ERVH48-1: variants seen among roughly 807,000 people sequenced by gnomAD.
ERVH48-1 encodes suppressyn.
ERVH48-1 carries 4 observed loss-of-function variants against 2.4 expected under a neutral mutation model. The observed-to-expected ratio is 1.68, with a 90% CI of 0.83 to 3.84. ERVH48-1 has a LOEUF of 3.84. ERVH48-1 is among the 30% of genes most tolerant of loss of function. The pLI, the probability that ERVH48-1 is intolerant of heterozygous loss-of-function variation, is 0.01. For synonymous variants in ERVH48-1, 32 were observed against 15.5 expected (o/e 2.06, Z -2.49); for missense variants, 97 against 43.4 (o/e 2.23, Z -3.47).
At chr21:42,924,078 G>A (rs1200527933) in intron 1 of ERVH48-1, among the ~76,000 whole-genome samples, 1 of 152,200 alleles carries the variant, frequency 6.6e-6, no homozygotes, top group Non-Finnish European at 1.5e-5. Flanking sequence ...GAGTATAGGC[G>A]GGAAAGAAAG....
rs968330884 is a variant in ERVH48-1 at position 42,917,145 on chromosome 21, A to G, written c.*1379T>C. 6.6e-6 allele frequency: 1 copy of G among 152,190 alleles called. No homozygotes were observed. Among genetic ancestry groups the G allele is most frequent in the Non-Finnish European group, 1.5e-5 (1 of 68,034 alleles). The allele number at this position is 152,190 out of a possible 1,614,324, so 9.4% of individuals were successfully genotyped here. On this transcript the variant is annotated 3_prime_UTR_variant, in exon 2 of 2. Transcript: ENST00000447535. ...TCTATTTGGTTATAGAAAAGGGGAA[A>G]GGGACGACTTTCTCAATAACTACTT...
chr21:42,918,776 C>T lies in ERVH48-1; in HGVS notation c.231G>A (p.Glu77=). ...AACTCTTTCCTGATTCAACACATTC[C>T]TCGATTAAGTTTCCATAACAGGATC... ...IERSCYGNLI[E]ECVESGKSYY... The change falls in exon 2 of 2, where the codon GAG becomes GAA. Residue 77 remains glutamate (E), a synonymous_variant. Coordinates refer to ENST00000447535, the MANE Select transcript of ERVH48-1 (RefSeq NM_001308491.2). 1 of 456,684 alleles carries T rather than the reference C, an allele frequency of 2.2e-6. No homozygotes were observed. Among genetic ancestry groups the T allele is most frequent in the South Asian group, 1.5e-5 (1 of 64,568 alleles). 28.3% of individuals were successfully genotyped at this position (456,684 alleles called of 1,614,324 possible).
intron 1 of ERVH48-1, among the ~76,000 whole-genome samples, chr21:42,922,739 CAAAAAAAAAAAAA>C (rs35066156): frequency 1.2e-4 from 6 of 48,204 alleles, no homozygotes; most frequent in South Asian, 7.8e-4. Flanking sequence ...GACTCCGTCT[CAAAAAAAAAAAAA>C]AAAAAAAAAA....
At chr21:42,922,969 G>A (rs2058810932) in intron 1 of ERVH48-1, among the ~76,000 whole-genome samples, 1 of 152,188 alleles carries the variant, frequency 6.6e-6, no homozygotes, top group East Asian at 1.9e-4. Context: ...GTTACCCTTG[G>A]CTCAGATGAG....
Position 42,925,445 on chromosome 21 carries a change from AG to A in ERVH48-1, c.-386del. On this transcript the variant is annotated 5_prime_UTR_variant, in exon 1 of 2. Transcript: ENST00000447535. ...TGCTGTGGCCTGCTTTCCCAGATGGAGGGGTGGTAGGTCCACTGGGGACGTG... is the reference window on the plus strand; with the variant it reads ...TGCTGTGGCCTGCTTTCCCAGATGGAGGGTGGTAGGTCCACTGGGGACGTG... 2.1e-6 allele frequency: 1 copy of A among 470,582 alleles called. No homozygotes were observed. The allele number at this position is 470,582 out of a possible 1,614,324, so 29.2% of individuals were successfully genotyped here.
chr21:42,918,922 T>G lies in ERVH48-1; in HGVS notation c.85A>C (p.Ile29Leu). The G allele has an allele frequency of 1.8e-6, 1 of 552,804 alleles. No individual in the cohort carries two copies. The highest frequency in any genetic ancestry group is 3.2e-6 in the Non-Finnish European group (1 of 315,142). 34.2% of individuals were successfully genotyped at this position (552,804 alleles called of 1,614,324 possible). A position where few individuals can be genotyped will look rare whatever the true frequency, so the allele number is the denominator to read the frequency against. Residue 29 changes from isoleucine to leucine, a missense_variant, in exon 2 of 2, where the codon ATA becomes CTA. Ile to Leu is a conservative substitution (Grantham distance 5). Coordinates refer to ENST00000447535, the MANE Select transcript of ERVH48-1 (RefSeq NM_001308491.2). ...NMGISLTTIL[I>L]LSVAVLLSTA... ...GACAGCAGGACAGCTACTGACAGTA[T>G]TAGGATCGTGGTGAGGGATATTCCC... is the stretch of plus-strand genomic sequence containing the variant.
At chr21:42,921,977 G>A (rs772852328) in intron 1 of ERVH48-1, among the ~76,000 whole-genome samples, 3 of 152,196 alleles carry the variant, frequency 2.0e-5, no homozygotes, top group African/African-American at 4.8e-5. Flanking sequence ...TGGGAGTACA[G>A]TTTGGTTAAT....
At chr21:42,919,711 C>T (rs183911964) in intron 1 of ERVH48-1, among the ~76,000 whole-genome samples, 199 of 152,200 alleles carry the variant, frequency 1.3e-3, no homozygotes, top group Non-Finnish European at 2.4e-3. Context: ...AAGGCAGGCC[C>T]GTTATCGGAC....
chr21:42,920,682 T>C (rs145784284), intron 1 of ERVH48-1, among the ~76,000 whole-genome samples: 1 of 152,110 alleles, frequency 6.6e-6, no homozygotes, highest in South Asian at 2.1e-4. Context: ...ATAGCCAGCA[T>C]GTTGGCATCC....
Position 42,925,326 on chromosome 21 carries a change from C to T in ERVH48-1, c.-286+20G>A, listed in dbSNP as rs372998947. The T allele has an allele frequency of 2.1e-4, 85 of 410,190 alleles. 1 individual carries two copies. The highest frequency in any genetic ancestry group is 1.4e-3 in the South Asian group (63 of 44,070). The allele number at this position is 410,190 out of a possible 1,614,324, so 25.4% of individuals were successfully genotyped here. On this transcript the variant is annotated intron_variant, in intron 1 of 1. Coordinates refer to ENST00000447535, the MANE Select transcript of ERVH48-1 (RefSeq NM_001308491.2). The stretch of plus-strand genomic sequence containing the variant: ...GCCGTGCGGATTTTTCCCTGTTAAC[C>T]GGGCTCCCAGGAAACTTACCAGTAG...
chr21:42,919,163 G>T lies in ERVH48-1; in HGVS notation c.-157C>A. 1 of 916,592 alleles carries T rather than the reference G, an allele frequency of 1.1e-6. No individual in the cohort carries two copies. Among genetic ancestry groups the T allele is most frequent in the Non-Finnish European group, 1.4e-6 (1 of 694,172 alleles). 56.8% of individuals were successfully genotyped at this position (916,592 alleles called of 1,614,324 possible). A position where few individuals can be genotyped will look rare whatever the true frequency, so the allele number is the denominator to read the frequency against. On this transcript the variant is annotated 5_prime_UTR_variant, in exon 2 of 2. Transcript: ENST00000447535. ...TTGGGGGTGAGCTTGACCCTGGTGC[G>T]ATGGATCCAGTTGGGGAGTCCTCGG...
At position 42,925,504 on chromosome 21, in the gene ERVH48-1, C is replaced by T. The variant is rs2058818224; in HGVS notation, c.-444G>A. The T allele has an allele frequency of 1.2e-5, 4 of 327,968 alleles. No homozygotes were observed. The highest frequency in any genetic ancestry group is 1.2e-4 in the South Asian group (4 of 33,894). The allele number at this position is 327,968 out of a possible 1,614,324, so 20.3% of individuals were successfully genotyped here. A position where few individuals can be genotyped will look rare whatever the true frequency, so the allele number is the denominator to read the frequency against. On this transcript the variant is annotated 5_prime_UTR_variant, in exon 1 of 2. Coordinates refer to ENST00000447535, the MANE Select transcript of ERVH48-1 (RefSeq NM_001308491.2). ...GCCCCTCGCAGGTTTCAGGGCCAGC[C>T]CCAAGGCTCTTGCATTGGTTGGAAC...
rs148425084 is a variant in ERVH48-1 at position 42,920,077 on chromosome 21, G to A, written c.-285-786C>T. Among the ~76,000 whole-genome samples, 463 of 140,204 alleles carry A rather than the reference G, an allele frequency of 3.3e-3. 2 individuals carry two copies. Among genetic ancestry groups the A allele is most frequent in the African/African-American group, 0.012 (411 of 35,114 alleles). 92.0% of individuals were successfully genotyped at this position (140,204 alleles called of 152,430 possible). The stretch of plus-strand genomic sequence containing the variant: ...GACGTTGCAGGACAGGTTTGTACCC[G>A]ACGAGGACAAATGAGGATAGGGCAG... On this transcript the variant is annotated intron_variant, in intron 1 of 1. Coordinates refer to ENST00000447535, the MANE Select transcript of ERVH48-1 (RefSeq NM_001308491.2).
At position 42,918,384 on chromosome 21, in the gene ERVH48-1, T is replaced by C. The variant is rs2034838184; in HGVS notation, c.*140A>G. ...TGGGATGCCTGTAAGTAAGGGGGAA[T>C]GTCTATCCCGTCCCACAGCCACTGT... On this transcript the variant is annotated 3_prime_UTR_variant, in exon 2 of 2. Coordinates refer to ENST00000447535, the MANE Select transcript of ERVH48-1 (RefSeq NM_001308491.2). 1 of 363,550 alleles carries C rather than the reference T, an allele frequency of 2.8e-6. No individual in the cohort carries two copies. Among genetic ancestry groups the C allele is most frequent in the South Asian group, 2.1e-5 (1 of 47,566 alleles). 22.5% of individuals were successfully genotyped at this position (363,550 alleles called of 1,614,324 possible).
chr21:42,925,555 C>T lies in ERVH48-1; in HGVS notation c.-495G>A, dbSNP rs1467351212. On this transcript the variant is annotated 5_prime_UTR_variant, in exon 1 of 2. The change creates a new upstream start codon in the 5' untranslated region. Transcript: ENST00000447535. Reference sequence around the variant, plus strand: ...CCGGAGAGCGCGCCAACAGACAACACGAGGCGGTGTGGAGCAACACACTGT... The same window carrying T: ...CCGGAGAGCGCGCCAACAGACAACATGAGGCGGTGTGGAGCAACACACTGT... The T allele has an allele frequency of 1.2e-5, 3 of 256,770 alleles. No homozygotes were observed. Among genetic ancestry groups the T allele is most frequent in the African/African-American group, 4.7e-5 (2 of 42,886 alleles). 15.9% of individuals were successfully genotyped at this position (256,770 alleles called of 1,614,324 possible).
intron 1 of ERVH48-1, among the ~76,000 whole-genome samples, chr21:42,922,999 T>A (rs1368299847): frequency 6.6e-6 from 1 of 152,204 alleles, no homozygotes; most frequent in African/African-American, 2.4e-5. Context: ...GTTGCCGGGG[T>A]GTCCGTTCCA....
At chr21:42,922,414 G>A (rs2058808452) in intron 1 of ERVH48-1, among the ~76,000 whole-genome samples, 1 of 151,962 alleles carries the variant, frequency 6.6e-6, no homozygotes, top group African/African-American at 2.4e-5. Context: ...CTCTGCCTAG[G>A]AGTGGAGTTG....
chr21:42,925,319 T>A, intron 1 of ERVH48-1, 27 bp downstream of exon 1: 1 of 399,470 alleles, frequency 2.5e-6, no homozygotes, highest in Non-Finnish European at 4.6e-6. Flanking sequence ...GATTTTTCCC[T>A]GTTAACCGGG....
At chr21:42,925,004 G>A (rs957133916) in intron 1 of ERVH48-1, among the ~76,000 whole-genome samples, 1 of 150,442 alleles carries the variant, frequency 6.6e-6, no homozygotes, top group African/African-American at 2.5e-5. Flanking sequence ...AGAGTGCAGT[G>A]GCGCGATCTC....
Sources: gnomAD v4.1 joint callset for allele counts (sites outside exome capture counted in the v4.1 genomes callset) on GRCh38, gnomAD v4.1.1 for gene constraint, MANE v1.5 for transcripts, NCBI Gene and HGNC (gene_info 2026-07-23, HGNC 2026-07-21) for gene names.